Variants in ADAMTS17 observed in about 807,000 individuals in gnomAD.
ADAMTS17 encodes the protein A disintegrin and metalloproteinase with thrombospondin motifs 17.
In ADAMTS17, 113 loss-of-function variants were observed where a neutral mutation model predicts 141.5. The ratio of observed to expected loss-of-function variants is 0.80; its 90% CI spans 0.69 to 0.93. The LOEUF (loss-of-function observed/expected upper bound fraction) is 0.93. Ranked by LOEUF, ADAMTS17 falls within the 40% of genes least tolerant of loss-of-function variation. The probability of loss-of-function intolerance (pLI) is 0.00; values close to 1 mark genes in which losing one functional copy is unlikely to be tolerated. For synonymous variants in ADAMTS17, 768 were observed against 630.6 expected, an observed-to-expected ratio of 1.22 and a Z score of -3.27; for missense variants, 1,659 against 1,517.9, an observed-to-expected ratio of 1.09 and a Z score of -1.54.
chr15:99,999,446 C>T (rs898981610), intron 18 of ADAMTS17, among the ~76,000 whole-genome samples: 5 of 151,952 alleles, frequency 3.3e-5, no homozygotes, highest in Admixed American at 6.5e-5. Context: ...AAGTGAGCCC[C>T]GTGACTACGT....
chr15:100,103,270 A>T (rs1002199479), intron 14 of ADAMTS17, among the ~76,000 whole-genome samples: 2 of 152,228 alleles, frequency 1.3e-5, no homozygotes, highest in African/African-American at 4.8e-5. Flanking sequence ...TGCCAGCTGC[A>T]GGGTCACGGT....
At chr15:100,211,143 A>AAAT (rs2041794951) in intron 7 of ADAMTS17, among the ~76,000 whole-genome samples, 2 of 101,356 alleles carry the variant, frequency 2.0e-5, no homozygotes, top group African/African-American at 3.1e-5. Context: ...AATAAATAAA[A>AAAT]ATACAAAAAT....
At chr15:100,022,520 G>A (rs995066910) in intron 18 of ADAMTS17, among the ~76,000 whole-genome samples, 2 of 152,106 alleles carry the variant, frequency 1.3e-5, no homozygotes, top group African/African-American at 2.4e-5. Context: ...CCAACCAAAC[G>A]CAGTTACAGC....
chr15:100,062,603 A>G (rs1247189744), intron 15 of ADAMTS17, among the ~76,000 whole-genome samples: 1 of 152,202 alleles, frequency 6.6e-6, no homozygotes, highest in Non-Finnish European at 1.5e-5. Flanking sequence ...TAAAGGCAGG[A>G]ATGTAGACAA....
intron 18 of ADAMTS17, among the ~76,000 whole-genome samples, chr15:100,021,069 A>T (rs187333262): frequency 6.6e-6 from 1 of 152,264 alleles, no homozygotes; most frequent in African/African-American, 2.4e-5. Context: ...CTCACTTACA[A>T]ATAACTGTTT....
intron 10 of ADAMTS17, among the ~76,000 whole-genome samples, chr15:100,137,703 C>T (rs2038405949): frequency 6.6e-6 from 1 of 152,212 alleles, no homozygotes; most frequent in African/African-American, 2.4e-5. Context: ...AAACCCATAC[C>T]CAGCTGTCTT....
At chr15:100,007,062 AG>A (rs2061050161) in intron 18 of ADAMTS17, among the ~76,000 whole-genome samples, 1 of 152,180 alleles carries the variant, frequency 6.6e-6, no homozygotes, top group South Asian at 2.1e-4. Context: ...CACAAACCTC[AG>A]GCAAGTGTGT....
chr15:99,995,948 G>T (rs2060792964), intron 19 of ADAMTS17, among the ~76,000 whole-genome samples: 2 of 152,034 alleles, frequency 1.3e-5, no homozygotes, highest in African/African-American at 4.8e-5. Context: ...TGCTCCCATT[G>T]TCTCACATTT....
intron 10 of ADAMTS17, among the ~76,000 whole-genome samples, chr15:100,148,408 T>C (rs2039008792): frequency 6.6e-6 from 1 of 152,202 alleles, no homozygotes; most frequent in Non-Finnish European, 1.5e-5. Context: ...CTTTAATATT[T>C]CTTATAATGT....
intron 13 of ADAMTS17, among the ~76,000 whole-genome samples, chr15:100,113,506 A>G (rs2141126763): frequency 6.6e-6 from 1 of 152,320 alleles, no homozygotes; most frequent in East Asian, 1.9e-4. Context: ...CCTTTTGAAC[A>G]CATAAAATGC....
intron 15 of ADAMTS17, among the ~76,000 whole-genome samples, chr15:100,069,458 G>T (rs1217738249): frequency 6.6e-6 from 1 of 152,144 alleles, no homozygotes; most frequent in Non-Finnish European, 1.5e-5. Context: ...CACCAAAGTT[G>T]AAATCAAGGA....
At chr15:100,269,525 G>C (rs780783128) in intron 4 of ADAMTS17, among the ~76,000 whole-genome samples, 9 of 152,212 alleles carry the variant, frequency 5.9e-5, no homozygotes, top group Non-Finnish European at 1.0e-4. Flanking sequence ...CAGGAGGTGA[G>C]CTCTAGAGAA....
rs1315547346 is a variant in ADAMTS17 at position 100,161,640 on chromosome 15, AAC to A, written c.1182-6322_1182-6321del. Among the ~76,000 whole-genome samples, 3 of 152,346 alleles carry A rather than the reference AAC, an allele frequency of 2.0e-5. No homozygotes were observed. In the East Asian group the frequency reaches 5.8e-4, roughly 29 times the overall value. ...ATTGCTAATCAACATAACAATAATT[AAC>A]AGGCCAGCTCTGCACCAGAGGGGAA... On this transcript the variant is annotated intron_variant, in intron 8 of 21. Coordinates refer to ENST00000268070, the MANE Select transcript of ADAMTS17 (RefSeq NM_139057.4).
chr15:100,296,511 T>C lies in ADAMTS17; in HGVS notation c.617-15110A>G, dbSNP rs576654084. On this transcript the variant is annotated intron_variant, in intron 3 of 21. Coordinates refer to ENST00000268070, the MANE Select transcript of ADAMTS17 (RefSeq NM_139057.4). ...CCAAGTCATTTTTATAAAAGGCATC[T>C]TTTTCATGTAAATTCCTTACAAAGA... Among the ~76,000 whole-genome samples, 21 of 152,352 alleles carry C rather than the reference T, an allele frequency of 1.4e-4. No homozygotes were observed. In the South Asian group the frequency reaches 4.3e-3, roughly 32 times the overall value.
At chr15:100,275,509 G>C (rs576711374) in intron 4 of ADAMTS17, among the ~76,000 whole-genome samples, 89 of 152,332 alleles carry the variant, frequency 5.8e-4, no homozygotes, top group African/African-American at 2.0e-3. Context: ...AGTCAGTCCA[G>C]GGTGGAGACA....
chr15:100,302,053 C>T (rs953544681), intron 3 of ADAMTS17, among the ~76,000 whole-genome samples: 1 of 152,202 alleles, frequency 6.6e-6, no homozygotes, highest in Non-Finnish European at 1.5e-5. Flanking sequence ...CCATAACCCC[C>T]TGCAATCACT....
chr15:100,096,179 C>T (rs1206421908), intron 15 of ADAMTS17, among the ~76,000 whole-genome samples, 177 bp downstream of exon 15: 1 of 152,194 alleles, frequency 6.6e-6, no homozygotes, highest in Admixed American at 6.5e-5. Flanking sequence ...AACGTGAAGG[C>T]ATCATTCTTG....
At chr15:100,324,309 A>G (rs868525728) in intron 3 of ADAMTS17, among the ~76,000 whole-genome samples, 29 of 152,298 alleles carry the variant, frequency 1.9e-4, no homozygotes, top group Middle Eastern at 3.4e-3. Context: ...CGTCTCAAAT[A>G]AATAAATAAA....
At position 100,220,682 on chromosome 15, in the gene ADAMTS17, C is replaced by G. The variant is rs142572303; in HGVS notation, c.1076-21259G>C. Among the ~76,000 whole-genome samples, 37 of 152,254 alleles carry G rather than the reference C, an allele frequency of 2.4e-4. 1 individual carries two copies. The highest frequency in any genetic ancestry group is 6.8e-3 in the Middle Eastern group (2 of 294). Reference sequence around the variant, plus strand: ...ATGTGAGATCACAGCCCACTTCCTCCTCCCCGAGCCCCTGGCACCCACTAA... The same window carrying G: ...ATGTGAGATCACAGCCCACTTCCTCGTCCCCGAGCCCCTGGCACCCACTAA... On this transcript the variant is annotated intron_variant, in intron 7 of 21. Coordinates refer to ENST00000268070, the MANE Select transcript of ADAMTS17 (RefSeq NM_139057.4).
Sources: allele counts gnomAD v4.1 joint callset (sites outside exome capture counted in the v4.1 genomes callset), GRCh38; gene constraint gnomAD v4.1.1; transcripts MANE v1.5; gene names NCBI Gene and HGNC (gene_info 2026-07-23, HGNC 2026-07-21).